The following DNAH1 variants were observed in gnomAD, a reference collection of about 807,000 sequenced individuals.
The protein encoded by DNAH1 is axonemal beta dynein heavy chain 1.
A neutral mutation model predicts 484.3 loss-of-function variants in DNAH1; 327 were observed. The ratio of observed to expected loss-of-function variants is 0.68; its 90% CI spans 0.62 to 0.74. The LOEUF (loss-of-function observed/expected upper bound fraction) is 0.74. Ranked by LOEUF, DNAH1 falls within the 30% of genes least tolerant of loss-of-function variation. DNAH1 has a pLI of 0.00. For missense variants in DNAH1, 5,052 were observed against 5,546.8 expected (o/e 0.91, Z 2.83); for synonymous variants, 2,192 against 2,191.9 (o/e 1.00, Z 0.00).
rs541642930 is a variant in DNAH1 at position 52,352,678 on chromosome 3, G to A, written c.2998G>A (p.Glu1000Lys). The change falls in exon 18 of 78, where the codon GAG (glutamate) becomes AAG (lysine). Residue 1000 changes from glutamate to lysine, a missense_variant. Transcript: ENST00000420323. Reference sequence around the variant, plus strand: ...GCTGGCCATGCTCTACAACAACCGCGAGCGCATCTTCAGCTTGCCCATCAC... The same window carrying A: ...GCTGGCCATGCTCTACAACAACCGCAAGCGCATCTTCAGCTTGCCCATCAC... ...QQLAMLYNNR[E>K]RIFSLPITNY... 2.2e-5 allele frequency: 35 copies of A among 1,612,676 alleles called. 1 individual carries two copies. The highest frequency in any genetic ancestry group is 3.3e-4 in the Middle Eastern group (2 of 6,040).
chr3:52,394,714 C>T (rs1427204107), intron 67 of DNAH1, 53 bp downstream of exon 67: 11 of 1,527,960 alleles, frequency 7.2e-6, no homozygotes, highest in South Asian at 5.2e-5. Flanking sequence ...GGATGAGTCC[C>T]TAGGAAAGGC....
chr3:52,385,010 A>AGCTGCCTGCAG, intron 53 of DNAH1, 33 bp downstream of exon 53: 1 of 1,589,004 alleles, frequency 6.3e-7, no homozygotes, highest in Non-Finnish European at 8.6e-7. Context: ...GGACAAGGTC[A>AGCTGCCTGCAG]GCTGCCTGCA....
rs1016567759 is a variant in DNAH1 at position 52,372,103 on chromosome 3, G to A, written c.6666+17G>A. 2.5e-6 allele frequency: 4 copies of A among 1,612,510 alleles called. No homozygotes were observed. In the African/African-American group the frequency reaches 5.3e-5, roughly 22 times the overall value. On this transcript the variant is annotated intron_variant, in intron 42 of 77. Transcript: ENST00000420323. ...AAGAAGCCCGTGAGCACCCCCCCAGGCCCTGCCTCCACTGTCCCCAAGGCC... is the reference window on the plus strand; with the variant it reads ...AAGAAGCCCGTGAGCACCCCCCCAGACCCTGCCTCCACTGTCCCCAAGGCC...
rs887441663 is a variant in DNAH1, at chr3:52,316,321, G to C, written c.-259G>C. 2 of 152,324 alleles carry C rather than the reference G, an allele frequency of 1.3e-5. No homozygotes were observed. Among genetic ancestry groups the C allele is most frequent in the African/African-American group, 4.8e-5 (2 of 41,438 alleles). The allele number at this position is 152,324 out of a possible 1,614,324, so 9.4% of individuals were successfully genotyped here. A position where few individuals can be genotyped will look rare whatever the true frequency, so the allele number is the denominator to read the frequency against. On this transcript the variant is annotated 5_prime_UTR_variant, in exon 1 of 78. Coordinates refer to ENST00000420323, the MANE Select transcript of DNAH1 (RefSeq NM_015512.5). Reference sequence around the variant, plus strand: ...GCAGGTGCCTCTCTACAGGCCAAGGGGGGTACCCAACCTATACGCAGACCC... The same window carrying C: ...GCAGGTGCCTCTCTACAGGCCAAGGCGGGTACCCAACCTATACGCAGACCC...
intron 2 of DNAH1, 30 bp downstream of exon 2, chr3:52,322,805 C>A: frequency 6.4e-7 from 1 of 1,555,480 alleles, no homozygotes; most frequent in East Asian, 2.4e-5. Context: ...CCTACCAAGC[C>A]TCAACCCTTC....
intron 9 of DNAH1, among the ~76,000 whole-genome samples, chr3:52,345,203 C>T (rs1331896313): frequency 4.6e-5 from 7 of 152,158 alleles, no homozygotes; most frequent in African/African-American, 1.4e-4. Flanking sequence ...GTGTGCAGCA[C>T]GGGCAGGAGT....
At chr3:52,392,423 C>T in intron 63 of DNAH1, 41 bp from the exon 64 acceptor site, 1 of 1,581,546 alleles carries the variant, frequency 6.3e-7, no homozygotes, top group Non-Finnish European at 8.7e-7. Context: ...CCTCCGGGGC[C>T]CACCAGGTAT....
intron 44 of DNAH1, chr3:52,374,337 TTGAG>T: frequency 6.6e-7 from 1 of 1,517,130 alleles, no homozygotes; most frequent in South Asian, 1.1e-5. Context: ...GTGAAATCTC[TTGAG>T]TGTCTACCAC....
chr3:52,399,593 T>A lies in DNAH1; in HGVS notation c.12490T>A (p.Cys4164Ser). Residue 4164 changes from cysteine to serine, a missense_variant, in exon 77 of 78, where the codon TGC becomes AGC. This residue lies in a region of DNAH1 where 853 missense variants were observed against 899.0 expected (regional missense o/e 0.95). Transcript: ENST00000420323. ...SELTQRPQVG[C>S]YIHGLFLEGA... ...GTTAACACAAAGACCCCAAGTAGGG[T>A]GCTATATCCATGGATTATTCCTGGA... The A allele has an allele frequency of 6.2e-7, 1 of 1,613,812 alleles. No homozygotes were observed. The highest frequency in any genetic ancestry group is 1.1e-5 in the South Asian group (1 of 91,076).
At chr3:52,338,032 A>G (rs763554335) in intron 8 of DNAH1, among the ~76,000 whole-genome samples, 1 of 152,264 alleles carries the variant, frequency 6.6e-6, no homozygotes, top group Admixed American at 6.5e-5. Flanking sequence ...GGGCTCAAGC[A>G]ATCTGCTCAC....
At chr3:52,325,197 T>G (rs1701292604) in intron 3 of DNAH1, among the ~76,000 whole-genome samples, 1 of 152,300 alleles carries the variant, frequency 6.6e-6, no homozygotes, top group South Asian at 2.1e-4. Flanking sequence ...CCGCTGAGCC[T>G]TGGACACTGC....
chr3:52,340,944 T>C (rs1701914911), intron 8 of DNAH1, among the ~76,000 whole-genome samples: 1 of 152,000 alleles, frequency 6.6e-6, no homozygotes, highest in Admixed American at 6.6e-5. Context: ...GTTTTGGTAG[T>C]GTTAGTTTTT....
At chr3:52,336,153 G>A (rs1179482739) in intron 8 of DNAH1, among the ~76,000 whole-genome samples, 3 of 152,106 alleles carry the variant, frequency 2.0e-5, no homozygotes, top group Non-Finnish European at 4.4e-5. Context: ...TGTTGCAATT[G>A]CTTTTGAGGA....
At chr3:52,324,319 C>G (rs1701258687) in intron 3 of DNAH1, among the ~76,000 whole-genome samples, 1 of 152,192 alleles carries the variant, frequency 6.6e-6, no homozygotes, top group African/African-American at 2.4e-5. Context: ...GAAAGGGGGA[C>G]TCTCCTCTCA....
rs372804755 is a variant in DNAH1 at position 52,399,604 on chromosome 3, T to A, written c.12501T>A (p.His4167Gln). ...TQRPQVGCYIHGLFLEGARWD... is the reference protein window; with the variant it reads ...TQRPQVGCYIQGLFLEGARWD... ...GACCCCAAGTAGGGTGCTATATCCA[T>A]GGATTATTCCTGGAAGGTGCCCGCT... The change falls in exon 77 of 78, where the codon CAT (histidine) becomes CAA (glutamine). Residue 4167 changes from histidine (H) to glutamine (Q), a missense_variant. His to Gln is a conservative substitution (Grantham distance 24). Around this residue, in one of 4 missense-constraint regions of DNAH1, gnomAD observed 853 missense variants for 899.0 expected, o/e 0.95. Coordinates refer to ENST00000420323, the MANE Select transcript of DNAH1 (RefSeq NM_015512.5). The A allele has an allele frequency of 4.3e-6, 7 of 1,613,858 alleles. No individual in the cohort carries two copies. The African/African-American group carries it at 9.3e-5, about 22-fold the overall frequency.
rs1578213024 is a variant in DNAH1, at chr3:52,399,698, T to C, written c.12595T>C (p.Trp4199Arg). 1.2e-6 allele frequency: 2 copies of C among 1,614,062 alleles called. No homozygotes were observed. Among genetic ancestry groups the C allele is most frequent in the Non-Finnish European group, 8.5e-7 (1 of 1,179,900 alleles). Residue 4199 changes from tryptophan to arginine, a missense_variant, in exon 77 of 78, where the codon TGG becomes CGG. By Grantham distance (101) the Trp-to-Arg change is moderately radical. Around this residue, in one of 4 missense-constraint regions of DNAH1, gnomAD observed 853 missense variants for 899.0 expected, o/e 0.95. Transcript: ENST00000420323. ...GCTGTACACAGAGATGGCCGTTATC[T>C]GGCTCTTGCCAACACCCAACCGCAA... is the stretch of plus-strand genomic sequence containing the variant. ...KELYTEMAVIWLLPTPNRKAQ... is the reference protein window; with the variant it reads ...KELYTEMAVIRLLPTPNRKAQ...
chr3:52,374,889 C>G, intron 44 of DNAH1: 1 of 1,052,910 alleles, frequency 9.5e-7, no homozygotes, highest in Non-Finnish European at 1.5e-6. Flanking sequence ...TCCCCAGGTA[C>G]TAAAAACGAG....
In DNAH1 at chr3:52,358,222, G is replaced by A. The variant is rs1702699613; in HGVS notation, c.4086+219G>A. Among the ~76,000 whole-genome samples, 1 of 152,214 alleles carries A rather than the reference G, an allele frequency of 6.6e-6. No individual in the cohort carries two copies. Among genetic ancestry groups the A allele is most frequent in the Non-Finnish European group, 1.5e-5 (1 of 68,032 alleles). On this transcript the variant is annotated intron_variant, in intron 24 of 77. Transcript: ENST00000420323. The surrounding 1 kb of genome is among the most constrained non-coding windows in gnomAD (Gnocchi z 4.2). ...TTCCAACTCACCAGGCGCTCCCTGT[G>A]CCCCCAGCACACTGCAAAACCCATG...
In DNAH1 at chr3:52,395,162, C is replaced by T. The variant is rs1704563779; in HGVS notation, c.10968+103C>T. On this transcript the variant is annotated intron_variant, in intron 68 of 77. Transcript: ENST00000420323. The surrounding 1 kb of genome is among the most constrained non-coding windows in gnomAD (Gnocchi z 4.4). ...GATAGACTACTTGGCCAGGCCAGGA[C>T]CCCTGCTTGCTCCCTAAAGGCTCTG... 2 of 1,502,572 alleles carry T rather than the reference C, an allele frequency of 1.3e-6. No individual in the cohort carries two copies. The highest frequency in any genetic ancestry group is 1.8e-6 in the Non-Finnish European group (2 of 1,118,698). 93.1% of individuals were successfully genotyped at this position (1,502,572 alleles called of 1,614,324 possible).
Sources: gnomAD v4.1 joint callset for allele counts (sites outside exome capture counted in the v4.1 genomes callset) on GRCh38, gnomAD v4.1.1 for gene constraint, gnomAD v4.1.1 regional missense constraint, Gnocchi (gnomAD v3.1) non-coding constraint, MANE v1.5 for transcripts, NCBI Gene and HGNC (gene_info 2026-07-23, HGNC 2026-07-21) for gene names.